The following CACNG3 variants were observed in gnomAD, a reference collection of about 807,000 sequenced individuals.
The protein encoded by CACNG3 is calcium voltage-gated channel auxiliary subunit gamma 3.
CACNG3 carries 3 observed loss-of-function variants against 28.5 expected under a neutral mutation model. The observed-to-expected ratio is 0.11, with a 90% CI of 0.05 to 0.27. The LOEUF is 0.27. Ranked by LOEUF, CACNG3 falls within the 10% of genes least tolerant of loss-of-function variation. The pLI is 1.00. For missense variants in CACNG3, 236 were observed against 414.4 expected, an observed-to-expected ratio of 0.57 and a Z score of 3.74; for synonymous variants, 174 against 162.2, an observed-to-expected ratio of 1.07 and a Z score of -0.55.
chr16:24,317,215 T>C (rs1899363820), intron 1 of CACNG3, among the ~76,000 whole-genome samples: 1 of 152,044 alleles, frequency 6.6e-6, no homozygotes. Context: ...TTAGAGATGT[T>C]GAGAAATTCA....
chr16:24,351,328 T>C (rs1403864246), intron 2 of CACNG3, among the ~76,000 whole-genome samples: 1 of 151,930 alleles, frequency 6.6e-6, no homozygotes, highest in African/African-American at 2.4e-5. Flanking sequence ...CCCAGCACTT[T>C]TGGGAGGCCA....
chr16:24,319,749 C>A (rs1051788681), intron 1 of CACNG3, among the ~76,000 whole-genome samples: 4 of 151,848 alleles, frequency 2.6e-5, no homozygotes, highest in African/African-American at 7.3e-5. Flanking sequence ...CCACCATGCC[C>A]AGACTTGTCA....
At chr16:24,315,450 C>A (rs1899335551) in intron 1 of CACNG3, among the ~76,000 whole-genome samples, 1 of 138,238 alleles carries the variant, frequency 7.2e-6, no homozygotes, top group Non-Finnish European at 1.6e-5. Context: ...TGCCTTCCTT[C>A]CTTCCTTCTT....
rs537810531 is a variant in CACNG3, at chr16:24,256,732, C to A, written c.-23C>A. The stretch of plus-strand genomic sequence containing the variant: ...TGACTCTCCCCCTCCAACCCCCAGC[C>A]GTCCAGAGTACCATGAAGAATTATG... On this transcript the variant is annotated 5_prime_UTR_variant, in exon 1 of 4. Transcript: ENST00000005284. The surrounding 1 kb of genome is among the most constrained non-coding windows in gnomAD (Gnocchi z 4.6). The A allele has an allele frequency of 1.4e-5, 22 of 1,538,144 alleles. No individual in the cohort carries two copies. The highest frequency in any genetic ancestry group is 2.0e-5 in the Non-Finnish European group (22 of 1,111,284).
At chr16:24,328,610 A>C (rs1238286709) in intron 1 of CACNG3, among the ~76,000 whole-genome samples, 1 of 151,670 alleles carries the variant, frequency 6.6e-6, no homozygotes, top group African/African-American at 2.4e-5. Flanking sequence ...ATAAATATAA[A>C]CAAGATATTT....
chr16:24,290,048 C>A (rs1300662833), intron 1 of CACNG3, among the ~76,000 whole-genome samples: 1 of 152,346 alleles, frequency 6.6e-6, no homozygotes, highest in East Asian at 1.9e-4. Flanking sequence ...AGACAAAGAC[C>A]ATCATAGACA....
intron 1 of CACNG3, among the ~76,000 whole-genome samples, chr16:24,302,318 C>T (rs1041454446): frequency 2.0e-5 from 3 of 152,200 alleles, no homozygotes; most frequent in African/African-American, 7.2e-5. Context: ...CAAAGCCTTG[C>T]TACTCAAAGA....
chr16:24,334,812 G>A (rs1463061388), intron 1 of CACNG3, among the ~76,000 whole-genome samples: 7 of 152,162 alleles, frequency 4.6e-5, no homozygotes, highest in Non-Finnish European at 8.8e-5. Flanking sequence ...GGGAGTGATG[G>A]TTCCTGGGGC....
intron 1 of CACNG3, among the ~76,000 whole-genome samples, chr16:24,322,228 G>A (rs1019102011): frequency 2.6e-5 from 4 of 152,106 alleles, no homozygotes; most frequent in African/African-American, 4.8e-5. Context: ...AAATGCTCAC[G>A]TCAGCATCAC....
At chr16:24,264,542 A>C (rs1898573114) in intron 1 of CACNG3, among the ~76,000 whole-genome samples, 1 of 152,210 alleles carries the variant, frequency 6.6e-6, no homozygotes, top group African/African-American at 2.4e-5. Flanking sequence ...CCTGCTACAC[A>C]GAGCGCCTGG....
At chr16:24,308,587 G>A (rs1899216304) in intron 1 of CACNG3, among the ~76,000 whole-genome samples, 1 of 152,168 alleles carries the variant, frequency 6.6e-6, no homozygotes, top group East Asian at 1.9e-4. Flanking sequence ...AGGCGCCGTG[G>A]CTCACACCTG....
intron 1 of CACNG3, among the ~76,000 whole-genome samples, chr16:24,279,939 A>G (rs1898802152): frequency 6.6e-6 from 1 of 152,216 alleles, no homozygotes; most frequent in Non-Finnish European, 1.5e-5. Context: ...CGCTGAATGC[A>G]CTGCCCAAGA....
intron 1 of CACNG3, among the ~76,000 whole-genome samples, chr16:24,317,616 A>AAGAC (rs1353604554): frequency 2.9e-5 from 2 of 68,872 alleles, no homozygotes; most frequent in Non-Finnish European, 5.6e-5. Flanking sequence ...GAAAGAAAGA[A>AAGAC]AGAAAGAAAG....
At chr16:24,357,271 G>GACTCATTC (rs1229489588) in intron 3 of CACNG3, among the ~76,000 whole-genome samples, 1 of 146,576 alleles carries the variant, frequency 6.8e-6, no homozygotes, top group Admixed American at 6.8e-5. Flanking sequence ...GCTCTCATGA[G>GACTCATTC]ACTCATTCAT....
intron 1 of CACNG3, among the ~76,000 whole-genome samples, chr16:24,335,782 T>C (rs752102491): frequency 3.9e-5 from 6 of 151,996 alleles, no homozygotes; most frequent in Non-Finnish European, 7.4e-5. Flanking sequence ...TGATTTCTTT[T>C]GAAACCCCCA....
chr16:24,264,423 A>G (rs1898572100), intron 1 of CACNG3, among the ~76,000 whole-genome samples: 1 of 152,150 alleles, frequency 6.6e-6, no homozygotes, highest in African/African-American at 2.4e-5. Context: ...AAAAGACTAG[A>G]CCAGAGTCAG....
chr16:24,346,704 C>G (rs772013394), intron 1 of CACNG3, 30 bp from the exon 2 acceptor site: 17 of 1,566,476 alleles, frequency 1.1e-5, no homozygotes, highest in Non-Finnish European at 1.4e-5. Context: ...TCTCCTCCCC[C>G]AGGCTCAGAA....
chr16:24,347,443 C>A (rs1159987400), intron 2 of CACNG3, among the ~76,000 whole-genome samples: 2 of 152,116 alleles, frequency 1.3e-5, no homozygotes, highest in Non-Finnish European at 2.9e-5. Context: ...CTGAAAGGTT[C>A]TTTTTAGTCA....
chr16:24,317,648 A>AAAGAAAGGAAAAGAAAGAAAGAAAGAAAG (rs1491194402), intron 1 of CACNG3, among the ~76,000 whole-genome samples: 12 of 55,722 alleles, frequency 2.2e-4, no homozygotes, highest in African/African-American at 2.5e-4. Context: ...GAAAGAAAAG[A>AAAGAAAGGAAAAGAAAGAAAGAAAGAAAG]AAAGAAAGAA....
Sources: gnomAD v4.1 joint callset for allele counts (sites outside exome capture counted in the v4.1 genomes callset) on GRCh38, gnomAD v4.1.1 for gene constraint, Gnocchi (gnomAD v3.1) non-coding constraint, MANE v1.5 for transcripts, NCBI Gene and HGNC (gene_info 2026-07-23, HGNC 2026-07-21) for gene names.